MDGA2: variants seen among roughly 807,000 people sequenced by gnomAD.
The protein encoded by MDGA2 is MAM domain-containing glycosylphosphatidylinositol anchor protein 2.
Under a neutral mutation model 117.8 loss-of-function variants are expected in MDGA2, and 40 were observed. That is an observed-to-expected ratio of 0.34 (90% CI 0.26 to 0.44). The LOEUF (loss-of-function observed/expected upper bound fraction) is 0.44. Among genes scored for constraint, MDGA2 ranks in the 20% least tolerant of loss-of-function variants. The probability of loss-of-function intolerance (pLI) is 1.00; values close to 1 mark genes in which losing one functional copy is unlikely to be tolerated. For missense variants in MDGA2, 1,123 were observed against 1,250.6 expected, an observed-to-expected ratio of 0.90 and a Z score of 1.54; for synonymous variants, 452 against 439.0, an observed-to-expected ratio of 1.03 and a Z score of -0.37.
intron 15 of MDGA2, 110 bp downstream of exon 15, chr14:46,854,914 T>C (rs556107951): frequency 3.1e-6 from 3 of 975,118 alleles, no homozygotes; most frequent in Non-Finnish European, 4.3e-6. Context: ...ATTTTTGTGA[T>C]GCTTATATCG....
chr14:46,880,803 C>CAA (rs568224124), intron 11 of MDGA2, among the ~76,000 whole-genome samples: 51 of 53,974 alleles, frequency 9.4e-4, no homozygotes, highest in Admixed American at 1.6e-3. Context: ...ATCCCGTCTC[C>CAA]AAAAAAAAAA....
intron 8 of MDGA2, among the ~76,000 whole-genome samples, chr14:47,012,839 T>C (rs1225099037): frequency 1.3e-5 from 2 of 152,272 alleles, no homozygotes; most frequent in African/African-American, 2.4e-5. Flanking sequence ...ACGAATTTTT[T>C]TGGTTTCCCT....
chr14:47,558,666 A>T (rs1431393852), intron 1 of MDGA2, among the ~76,000 whole-genome samples: 4 of 152,238 alleles, frequency 2.6e-5, no homozygotes, highest in African/African-American at 9.6e-5. Context: ...TTTATGAAAT[A>T]ACTGTTTCCT....
At chr14:46,937,953 G>C (rs532907447) in intron 9 of MDGA2, among the ~76,000 whole-genome samples, 1 of 152,106 alleles carries the variant, frequency 6.6e-6, no homozygotes, top group South Asian at 2.1e-4. Context: ...AAACAAATGG[G>C]ATTACATTAA....
At chr14:47,459,837 A>G (rs942635989) in intron 1 of MDGA2, among the ~76,000 whole-genome samples, 21 of 152,290 alleles carry the variant, frequency 1.4e-4, no homozygotes, top group African/African-American at 4.8e-4. Context: ...CAAGTTCTAT[A>G]AAAATGCTAT....
chr14:47,149,532 G>T (rs1883081231), intron 3 of MDGA2, among the ~76,000 whole-genome samples: 1 of 152,130 alleles, frequency 6.6e-6, no homozygotes, highest in South Asian at 2.1e-4. Context: ...AGTCAAGGAG[G>T]TATTCTCCAA....
chr14:47,107,643 G>T (rs1880788336), intron 5 of MDGA2, among the ~76,000 whole-genome samples: 1 of 151,156 alleles, frequency 6.6e-6, no homozygotes, highest in South Asian at 2.1e-4. Context: ...AAACACACGT[G>T]CTCTCCCTGC....
chr14:47,557,431 A>G (rs1895705569), intron 1 of MDGA2, among the ~76,000 whole-genome samples: 1 of 152,210 alleles, frequency 6.6e-6, no homozygotes, highest in Admixed American at 6.5e-5. Flanking sequence ...TTGGTTCTAC[A>G]GTTCCTTAGG....
At chr14:47,617,494 G>A (rs931641172) in intron 1 of MDGA2, among the ~76,000 whole-genome samples, 4 of 152,108 alleles carry the variant, frequency 2.6e-5, no homozygotes, top group Admixed American at 6.6e-5. Flanking sequence ...GTGAATCACC[G>A]CACCCGGCCT....
intron 1 of MDGA2, among the ~76,000 whole-genome samples, chr14:47,510,346 C>T (rs1026522599): frequency 2.6e-5 from 4 of 152,150 alleles, no homozygotes; most frequent in Non-Finnish European, 5.9e-5. Flanking sequence ...GTCTATAGAA[C>T]TTTATTATAG....
intron 2 of MDGA2, among the ~76,000 whole-genome samples, chr14:47,285,350 C>CA (rs140251894): frequency 0.091 from 13,817 of 151,708 alleles, 778 homozygotes; most frequent in Non-Finnish European, 0.11. Flanking sequence ...CCTTTTCTAA[C>CA]AAAAAAAGCT....
rs946019618 is a variant in MDGA2, at chr14:46,965,042, G to A, written c.1820-7399C>T. On this transcript the variant is annotated intron_variant, in intron 8 of 16. Transcript: ENST00000399232. ...GGGTTCACGCCATTCTCCTGCCTCA[G>A]CCTCCCGAGCAGCTGGGACTACAGG... Among the ~76,000 whole-genome samples the A allele has an allele frequency of 3.8e-5, 5 of 131,044 alleles. No individual in the cohort carries two copies. The South Asian group carries it at 7.2e-4, about 19-fold the overall frequency. The allele number at this position is 131,044 out of a possible 152,430, so 86.0% of individuals were successfully genotyped here. A position where few individuals can be genotyped will look rare whatever the true frequency, so the allele number is the denominator to read the frequency against.
At chr14:47,662,861 T>C (rs1466702087) in intron 1 of MDGA2, among the ~76,000 whole-genome samples, 1 of 152,162 alleles carries the variant, frequency 6.6e-6, no homozygotes, top group East Asian at 1.9e-4. Flanking sequence ...GGAAAAGGGT[T>C]GCACTTCCTT....
At chr14:47,513,218 T>C (rs929750658) in intron 1 of MDGA2, among the ~76,000 whole-genome samples, 2 of 152,166 alleles carry the variant, frequency 1.3e-5, no homozygotes, top group African/African-American at 4.8e-5. Context: ...ACAAATTATA[T>C]AGGAGAAGTA....
intron 8 of MDGA2, among the ~76,000 whole-genome samples, chr14:46,992,339 T>C (rs541360277): frequency 1.3e-5 from 2 of 152,252 alleles, no homozygotes; most frequent in Non-Finnish European, 2.9e-5. Context: ...AAAATGTAGA[T>C]TAAAATCTAC....
At chr14:46,972,603 C>T (rs1300324199) in intron 8 of MDGA2, among the ~76,000 whole-genome samples, 2 of 152,222 alleles carry the variant, frequency 1.3e-5, no homozygotes, top group East Asian at 1.9e-4. Context: ...GCAACCCACA[C>T]ATTCCAGATA....
intron 7 of MDGA2, among the ~76,000 whole-genome samples, chr14:47,049,700 T>G (rs377757333): frequency 2.4e-4 from 37 of 152,176 alleles, no homozygotes; most frequent in African/African-American, 8.9e-4. Context: ...ACCCTATATA[T>G]AGAGGGCTGA....
intron 1 of MDGA2, among the ~76,000 whole-genome samples, chr14:47,662,132 A>T (rs780123212): frequency 6.6e-6 from 1 of 152,142 alleles, no homozygotes; most frequent in Non-Finnish European, 1.5e-5. Context: ...GTATTAGGTG[A>T]GAGACTGCAT....
chr14:47,498,074 T>C (rs1035739580), intron 1 of MDGA2, among the ~76,000 whole-genome samples: 4 of 152,182 alleles, frequency 2.6e-5, no homozygotes, highest in Admixed American at 1.3e-4. Context: ...TAATACTCTA[T>C]TTTGGGTACT....
Sources: gnomAD v4.1 joint callset for allele counts (sites outside exome capture counted in the v4.1 genomes callset) on GRCh38, gnomAD v4.1.1 for gene constraint, MANE v1.5 for transcripts, NCBI Gene and HGNC (gene_info 2026-07-23, HGNC 2026-07-21) for gene names.